DYNC2H1: variants seen among roughly 807,000 people sequenced by gnomAD.
DYNC2H1 encodes cytoplasmic dynein 2 heavy chain 1.
Under a neutral mutation model 570.0 loss-of-function variants are expected in DYNC2H1, and 410 were observed. That is an observed-to-expected ratio of 0.72 (90% CI 0.66 to 0.78). DYNC2H1 has a LOEUF of 0.78. DYNC2H1 is among the 30% of genes least tolerant of loss of function. The probability of loss-of-function intolerance (pLI) is 0.00; values close to 1 mark genes in which losing one functional copy is unlikely to be tolerated. For synonymous variants in DYNC2H1, 1,688 were observed against 1,677.6 expected (o/e 1.01, Z -0.15); for missense variants, 4,865 against 5,046.4 (o/e 0.96, Z 1.09).
intron 84 of DYNC2H1, chr11:103,409,764 C>T (rs1192208261): frequency 2.0e-5 from 3 of 153,598 alleles, no homozygotes; most frequent in African/African-American, 7.2e-5. Context: ...TAGGTGTGCT[C>T]TTCAGCTGTT....
Position 103,204,849 on chromosome 11 carries a change from T to C in DYNC2H1, c.8339T>C (p.Leu2780Ser), listed in dbSNP as rs1565394086. The part of the protein sequence containing the change: ...YRIQQNLHIV[L>S]IMDSANSNFM... ...ATTCAGCAAAACTTGCATATTGTCT[T>C]GATAATGGATTCTGCAAATTCAAAC... The change falls in exon 52 of 89, where the codon TTG becomes TCG. Residue 2780 changes from leucine to serine, a missense_variant. Around this residue, in one of 5 missense-constraint regions of DYNC2H1, gnomAD observed 2,401 missense variants for 2,454.6 expected, o/e 0.98. Transcript: ENST00000375735. The surrounding 1 kb of genome is among the most constrained non-coding windows in gnomAD (Gnocchi z 4.1). The C allele has an allele frequency of 1.9e-6, 3 of 1,588,540 alleles. No individual in the cohort carries two copies. Among genetic ancestry groups the C allele is most frequent in the Non-Finnish European group, 2.6e-6 (3 of 1,166,156 alleles).
At position 103,239,596 on chromosome 11, in the gene DYNC2H1, A is replaced by T. The variant is rs2135211738; in HGVS notation, c.9819+3057A>T. ...ATGGCTATCAAGTGGTAGAGCCAGG[A>T]TTCAAACCCAGGCCACCTAGCTCCT... On this transcript the variant is annotated intron_variant, in intron 63 of 88. Transcript: ENST00000375735. The surrounding 1 kb of genome is among the most constrained non-coding windows in gnomAD (Gnocchi z 4.3). Among the ~76,000 whole-genome samples the T allele has an allele frequency of 1.3e-5, 2 of 151,948 alleles. 1 individual carries two copies. Among genetic ancestry groups the T allele is most frequent in the South Asian group, 4.2e-4 (2 of 4,812 alleles).
intron 82 of DYNC2H1, among the ~76,000 whole-genome samples, chr11:103,348,276 C>CT (rs1221746551): frequency 1.3e-5 from 2 of 152,090 alleles, no homozygotes; most frequent in Non-Finnish European, 2.9e-5. Flanking sequence ...TAGTAATTAT[C>CT]TTTTTTTACT....
intron 65 of DYNC2H1, among the ~76,000 whole-genome samples, chr11:103,247,295 A>G (rs1190712316): frequency 6.6e-6 from 1 of 152,016 alleles, no homozygotes; most frequent in South Asian, 2.1e-4. Context: ...TTTGTGGTTG[A>G]TTCTTTTAGT....
At chr11:103,196,345 A>G (rs539490590) in intron 47 of DYNC2H1, among the ~76,000 whole-genome samples, 1 of 152,268 alleles carries the variant, frequency 6.6e-6, no homozygotes, top group South Asian at 2.1e-4. Flanking sequence ...TCTTTTGGAA[A>G]TCTACATGGA....
At chr11:103,397,726 C>T (rs1942456897) in intron 83 of DYNC2H1, among the ~76,000 whole-genome samples, 1 of 152,048 alleles carries the variant, frequency 6.6e-6, no homozygotes, top group Admixed American at 6.6e-5. Context: ...AAATACCTGT[C>T]TCTACAAAAA....
chr11:103,113,498 T>C, intron 1 of DYNC2H1, 39 bp from the exon 2 acceptor site: 18 of 1,437,140 alleles, frequency 1.3e-5, no homozygotes, highest in Non-Finnish European at 1.7e-5. Flanking sequence ...AAATATTAAA[T>C]TTTATGAAGA....
chr11:103,291,990 T>C (rs1299893537), intron 75 of DYNC2H1, among the ~76,000 whole-genome samples: 1 of 152,152 alleles, frequency 6.6e-6, no homozygotes, highest in Non-Finnish European at 1.5e-5. Flanking sequence ...AGTTGGGTCT[T>C]ATTTTTAATC....
At chr11:103,388,406 G>A (rs535834878) in intron 83 of DYNC2H1, among the ~76,000 whole-genome samples, 49 of 152,336 alleles carry the variant, frequency 3.2e-4, no homozygotes, top group Admixed American at 6.5e-4. Context: ...ATTCTGGGCT[G>A]AGACAATGAG....
intron 83 of DYNC2H1, among the ~76,000 whole-genome samples, chr11:103,393,809 G>A (rs902070303): frequency 8.5e-5 from 13 of 152,178 alleles, no homozygotes; most frequent in African/African-American, 1.4e-4. Context: ...CAGTCATGGC[G>A]GAAGGCGAGG....
At chr11:103,183,191 T>G (rs758809138) in intron 40 of DYNC2H1, among the ~76,000 whole-genome samples, 18 of 151,944 alleles carry the variant, frequency 1.2e-4, no homozygotes, top group Non-Finnish European at 2.4e-4. Flanking sequence ...TGTGCTTAAT[T>G]ATATACCTGA....
chr11:103,418,485 T>C (rs1178508584), intron 84 of DYNC2H1, among the ~76,000 whole-genome samples: 1 of 152,168 alleles, frequency 6.6e-6, no homozygotes, highest in Non-Finnish European at 1.5e-5. Flanking sequence ...CCTAAATATA[T>C]GGAAAGATGC....
rs570764475 is a variant in DYNC2H1 at position 103,253,482 on chromosome 11, C to A, written c.10206+34C>A. The A allele has an allele frequency of 7.6e-6, 12 of 1,575,372 alleles. No homozygotes were observed. The East Asian group carries it at 2.0e-4, about 27-fold the overall frequency. ...AGATAATAATAATTTACCTTGGAATCTTTTCGAGCTTTATATACCTATTAG... is the reference window on the plus strand; with the variant it reads ...AGATAATAATAATTTACCTTGGAATATTTTCGAGCTTTATATACCTATTAG... On this transcript the variant is annotated intron_variant, in intron 66 of 88. Transcript: ENST00000375735.
chr11:103,467,874 A>T (rs1945244475), intron 87 of DYNC2H1, among the ~76,000 whole-genome samples: 1 of 152,178 alleles, frequency 6.6e-6, no homozygotes, highest in African/African-American at 2.4e-5. Flanking sequence ...ATTTTGTACC[A>T]AGTTCAAATT....
intron 83 of DYNC2H1, among the ~76,000 whole-genome samples, chr11:103,389,422 A>G (rs1317243181): frequency 1.3e-5 from 2 of 152,042 alleles, no homozygotes; most frequent in South Asian, 2.1e-4. Context: ...CAGTCTATCA[A>G]TTTTGTTGAT....
chr11:103,304,652 C>G lies in DYNC2H1; in HGVS notation c.11314C>G (p.Arg3772Gly), dbSNP rs369045981. 6.2e-7 allele frequency: 1 copy of G among 1,613,234 alleles called. No individual in the cohort carries two copies. Among genetic ancestry groups the G allele is most frequent in the Non-Finnish European group, 8.5e-7 (1 of 1,179,488 alleles). The change falls in exon 77 of 89, where the codon CGC becomes GGC. Residue 3772 changes from arginine (R) to glycine (G), a missense_variant. Around this residue, in one of 5 missense-constraint regions of DYNC2H1, gnomAD observed 2,401 missense variants for 2,454.6 expected, o/e 0.98. Coordinates refer to ENST00000375735, the MANE Select transcript of DYNC2H1 (RefSeq NM_001377.3). ...LAIQMLKECA[R>G]NGDWLCLKNL... ...AATTCAAATGCTAAAAGAATGTGCC[C>G]GCAATGGAGACTGGCTCTGTTTGAA... is the stretch of plus-strand genomic sequence containing the variant.
intron 83 of DYNC2H1, among the ~76,000 whole-genome samples, chr11:103,399,309 A>ATTT (rs771285549): frequency 5.1e-4 from 48 of 93,704 alleles, no homozygotes; most frequent in African/African-American, 2.1e-3. Flanking sequence ...TATTCGGCTA[A>ATTT]TTTTTTTTTT....
intron 47 of DYNC2H1, among the ~76,000 whole-genome samples, chr11:103,196,183 T>G (rs1354322629): frequency 6.6e-6 from 1 of 152,126 alleles, no homozygotes; most frequent in Non-Finnish European, 1.5e-5. Context: ...GTTATGCTAG[T>G]GGTAGTAAGG....
intron 55 of DYNC2H1, among the ~76,000 whole-genome samples, chr11:103,218,348 G>A (rs1267303110): frequency 1.3e-5 from 2 of 152,114 alleles, no homozygotes; most frequent in African/African-American, 2.4e-5. Flanking sequence ...AACTATGATA[G>A]AAATCAAATT....
Sources: allele counts gnomAD v4.1 joint callset (sites outside exome capture counted in the v4.1 genomes callset), GRCh38; gene constraint gnomAD v4.1.1; regional missense constraint gnomAD v4.1.1; non-coding constraint Gnocchi (gnomAD v3.1); transcripts MANE v1.5; gene names NCBI Gene and HGNC (gene_info 2026-07-23, HGNC 2026-07-21).